CYB5R4: variants seen among roughly 807,000 people sequenced by gnomAD.
CYB5R4 encodes the protein N-terminal cytochrome b5 and cytochrome b5 oxidoreductase domain-containing protein.
A neutral mutation model predicts 70.2 loss-of-function variants in CYB5R4; 55 were observed. The ratio of observed to expected loss-of-function variants is 0.78; its 90% CI spans 0.63 to 0.98. CYB5R4 has a LOEUF of 0.98. Ranked by LOEUF, CYB5R4 falls within the 50% of genes least tolerant of loss-of-function variation. The pLI is 0.00. For synonymous variants in CYB5R4, 197 were observed against 199.5 expected (o/e 0.99, Z 0.11); for missense variants, 562 against 612.6 (o/e 0.92, Z 0.87).
chr6:83,955,440 C>T lies in CYB5R4; in HGVS notation c.1489C>T (p.Pro497Ser). 1 of 1,613,604 alleles carries T rather than the reference C, an allele frequency of 6.2e-7. No individual in the cohort carries two copies. Among genetic ancestry groups the T allele is most frequent in the Non-Finnish European group, 8.5e-7 (1 of 1,179,754 alleles). ...TCTCGTCTGCATTTGTGGACCAGTG[C>T]CATTTACAGAACAAGGAGTAAGGTG... Reference protein sequence around the residue: ...KVLVCICGPVPFTEQGVRLLH... With the variant: ...KVLVCICGPVSFTEQGVRLLH... The change falls in exon 15 of 16, where the codon CCA (proline) becomes TCA (serine). Residue 497 changes from proline to serine, a missense_variant. By Grantham distance (74) the Pro-to-Ser change is moderately conservative. Transcript: ENST00000369681.
rs544185408 is a variant in CYB5R4, at chr6:83,966,863, A to G, written c.*6985A>G. ...TCCTGAAATTAACAAGAAAAATTGAAATTAATGTTGAAAGAGCACCAGAGA... is the reference window on the plus strand; with the variant it reads ...TCCTGAAATTAACAAGAAAAATTGAGATTAATGTTGAAAGAGCACCAGAGA... On this transcript the variant is annotated 3_prime_UTR_variant, in exon 16 of 16. Transcript: ENST00000369681. The G allele has an allele frequency of 6.6e-6, 1 of 152,328 alleles. No individual in the cohort carries two copies. Among genetic ancestry groups the G allele is most frequent in the Non-Finnish European group, 1.5e-5 (1 of 68,026 alleles). The allele number at this position is 152,328 out of a possible 1,614,324, so 9.4% of individuals were successfully genotyped here. A position where few individuals can be genotyped will look rare whatever the true frequency, so the allele number is the denominator to read the frequency against.
chr6:83,932,617 A>G (rs923636839), intron 10 of CYB5R4, among the ~76,000 whole-genome samples: 1 of 152,060 alleles, frequency 6.6e-6, no homozygotes, highest in African/African-American at 2.4e-5. Context: ...GAGTATTGCA[A>G]GGCCACGAAG....
At chr6:83,895,786 A>G (rs948533287) in intron 3 of CYB5R4, among the ~76,000 whole-genome samples, 9 of 152,204 alleles carry the variant, frequency 5.9e-5, no homozygotes, top group African/African-American at 2.2e-4. Context: ...CTTGGCTTTA[A>G]TAAGACCAGT....
At chr6:83,909,180 T>C in intron 4 of CYB5R4, 90 bp downstream of exon 4, 1 of 1,020,048 alleles carries the variant, frequency 9.8e-7, no homozygotes, top group Admixed American at 2.2e-5. Flanking sequence ...TCTATACAAA[T>C]CACTATGGTT....
chr6:83,939,416 T>G (rs1323896663), intron 12 of CYB5R4, among the ~76,000 whole-genome samples: 1 of 152,190 alleles, frequency 6.6e-6, no homozygotes, highest in African/African-American at 2.4e-5. Context: ...GATTGGTAAG[T>G]GACATGCTCC....
At chr6:83,928,500 GA>G (rs139763646) in intron 10 of CYB5R4, among the ~76,000 whole-genome samples, 3 of 146,150 alleles carry the variant, frequency 2.1e-5, no homozygotes, top group Admixed American at 6.8e-5. Context: ...ATGGCTTTCA[GA>G]AAAAAAAAAC....
chr6:83,864,309 T>C lies in CYB5R4; in HGVS notation c.210T>C (p.Asp70=). The C allele has an allele frequency of 1.2e-6, 2 of 1,612,146 alleles. No individual in the cohort carries two copies. Among genetic ancestry groups the C allele is most frequent in the South Asian group, 1.1e-5 (1 of 90,570 alleles). Residue 70 remains aspartate, a synonymous_variant, in exon 2 of 16, where the codon GAT becomes GAC. Transcript: ENST00000369681. ...EELKKHNKKD[D]CWICIRGFVY... is the part of the protein sequence containing the mutation. ...TTAAGAAACACAACAAAAAAGATGA[T>C]TGTTGGATATGCATAAGAGGTAGGT...
intron 1 of CYB5R4, among the ~76,000 whole-genome samples, chr6:83,861,976 A>G (rs2099456019): frequency 6.6e-6 from 1 of 152,216 alleles, no homozygotes; most frequent in South Asian, 2.1e-4. Flanking sequence ...CCAAGCACCT[A>G]GTGACTAGCT....
chr6:83,883,525 C>A (rs1413803354), intron 2 of CYB5R4, among the ~76,000 whole-genome samples: 4 of 152,112 alleles, frequency 2.6e-5, no homozygotes, highest in East Asian at 1.9e-4. Context: ...AAAAGTAACA[C>A]CATCAACCCT....
chr6:83,937,456 C>T (rs1170685054), intron 12 of CYB5R4, among the ~76,000 whole-genome samples: 1 of 152,098 alleles, frequency 6.6e-6, no homozygotes, highest in African/African-American at 2.4e-5. Flanking sequence ...TCTTACTTAT[C>T]TTTGTATTTC....
At position 83,914,445 on chromosome 6, in the gene CYB5R4, A is replaced by G. The variant is rs1218108709; in HGVS notation, c.442A>G (p.Asn148Asp). 4 of 1,523,552 alleles carry G rather than the reference A, an allele frequency of 2.6e-6. No individual in the cohort carries two copies. In the Admixed American group the frequency reaches 7.7e-5, roughly 29 times the overall value. The allele number at this position is 1,523,552 out of a possible 1,614,324, so 94.4% of individuals were successfully genotyped here. A position where few individuals can be genotyped will look rare whatever the true frequency, so the allele number is the denominator to read the frequency against. The change falls in exon 5 of 16, where the codon AAT becomes GAT. Residue 148 changes from asparagine to aspartate, a missense_variant. Asn to Asp is a conservative substitution (Grantham distance 23). Transcript: ENST00000369681. ...TCGTGAGGAGGAAAAGAAAGTCTTAAATGGTAAGTCTATAAATTTATAATA... is the reference window on the plus strand; with the variant it reads ...TCGTGAGGAGGAAAAGAAAGTCTTAGATGGTAAGTCTATAAATTTATAATA... Reference protein sequence around the residue: ...DYREEEKKVLNGMLPKSQVTD... With the variant: ...DYREEEKKVLDGMLPKSQVTD...
At chr6:83,883,419 T>C (rs2099459764) in intron 2 of CYB5R4, among the ~76,000 whole-genome samples, 1 of 152,064 alleles carries the variant, frequency 6.6e-6, no homozygotes, top group Admixed American at 6.6e-5. Context: ...AAATAACATC[T>C]AGGCACATCC....
intron 3 of CYB5R4, among the ~76,000 whole-genome samples, chr6:83,900,300 G>T (rs1418268695): frequency 6.6e-6 from 1 of 152,158 alleles, no homozygotes; most frequent in Admixed American, 6.5e-5. Context: ...TTAATCCTGA[G>T]TTCTAGTTTG....
intron 4 of CYB5R4, among the ~76,000 whole-genome samples, chr6:83,914,198 C>T (rs1036121059): frequency 8.5e-5 from 13 of 152,054 alleles, no homozygotes; most frequent in African/African-American, 3.1e-4. Context: ...AAATGAGAGA[C>T]AAACATCTGG....
chr6:83,942,003 T>C (rs1207696788), intron 14 of CYB5R4, among the ~76,000 whole-genome samples: 1 of 152,074 alleles, frequency 6.6e-6, no homozygotes, highest in African/African-American at 2.4e-5. Context: ...CTTCATAAAG[T>C]ATTGTGAGCT....
intron 7 of CYB5R4, among the ~76,000 whole-genome samples, chr6:83,920,863 T>C (rs991615396): frequency 4.6e-5 from 7 of 152,166 alleles, no homozygotes; most frequent in Non-Finnish European, 7.3e-5. Flanking sequence ...ATAAGGTAGA[T>C]ATTAAACAGA....
chr6:83,859,772 G>A lies in CYB5R4; in HGVS notation c.-11G>A, dbSNP rs2099455652. 1 of 1,612,524 alleles carries A rather than the reference G, an allele frequency of 6.2e-7. No individual in the cohort carries two copies. The highest frequency in any genetic ancestry group is 1.3e-5 in the African/African-American group (1 of 74,912). On this transcript the variant is annotated 5_prime_UTR_variant, in exon 1 of 16. Coordinates refer to ENST00000369681, the MANE Select transcript of CYB5R4 (RefSeq NM_016230.4). ...CGATCCCCGGGCAGGGCCCGGGGCCGGGGTTTGAAGATGCTGAACGTCCCT... is the reference window on the plus strand; with the variant it reads ...CGATCCCCGGGCAGGGCCCGGGGCCAGGGTTTGAAGATGCTGAACGTCCCT...
In CYB5R4 at chr6:83,860,831, C is replaced by T. The variant is rs59270596; in HGVS notation, c.75+974C>T. Among the ~76,000 whole-genome samples, 687 of 152,218 alleles carry T rather than the reference C, an allele frequency of 4.5e-3. 6 individuals are homozygous for T. Among genetic ancestry groups the T allele is most frequent in the African/African-American group, 0.016 (657 of 41,538 alleles). On this transcript the variant is annotated intron_variant, in intron 1 of 15. Coordinates refer to ENST00000369681, the MANE Select transcript of CYB5R4 (RefSeq NM_016230.4). The stretch of plus-strand genomic sequence containing the variant: ...GATTTCTTAAGTACTTACGGGTGGC[C>T]GTGTATATTCTCAGTGCTTTGCATG...
rs554635884 is a variant in CYB5R4, at chr6:83,899,418, A to G, written c.330+5796A>G. Reference sequence around the variant, plus strand: ...CAATGTTCATTAGGGATATTGGTCTAAAATTCTCTTTTTCTGTTGTGTCTC... The same window carrying G: ...CAATGTTCATTAGGGATATTGGTCTGAAATTCTCTTTTTCTGTTGTGTCTC... On this transcript the variant is annotated intron_variant, in intron 3 of 15. Transcript: ENST00000369681. Among the ~76,000 whole-genome samples, 11 of 152,212 alleles carry G rather than the reference A, an allele frequency of 7.2e-5. No homozygotes were observed. The South Asian group carries it at 1.7e-3, about 23-fold the overall frequency.
Sources: allele counts gnomAD v4.1 joint callset (sites outside exome capture counted in the v4.1 genomes callset), GRCh38; gene constraint gnomAD v4.1.1; transcripts MANE v1.5; gene names NCBI Gene and HGNC (gene_info 2026-07-23, HGNC 2026-07-21).